CDKAL1: variants seen among roughly 807,000 people sequenced by gnomAD.
CDKAL1 encodes threonylcarbamoyladenosine tRNA methylthiotransferase.
CDKAL1 carries 32 observed loss-of-function variants against 68.2 expected under a neutral mutation model. The observed-to-expected ratio is 0.47, with a 90% CI of 0.35 to 0.63. The LOEUF is 0.63. Among genes scored for constraint, CDKAL1 ranks in the 30% least tolerant of loss-of-function variants. CDKAL1 has a pLI of 0.00. For missense variants in CDKAL1, 606 were observed against 696.7 expected, an observed-to-expected ratio of 0.87 and a Z score of 1.47; for synonymous variants, 234 against 244.3, an observed-to-expected ratio of 0.96 and a Z score of 0.39.
intron 5 of CDKAL1, among the ~76,000 whole-genome samples, chr6:20,705,474 G>A (rs964560852): frequency 3.8e-4 from 58 of 152,328 alleles, no homozygotes; most frequent in Non-Finnish European, 2.4e-4. Context: ...GTTTGTGGAA[G>A]AGTACAGGCT....
intron 4 of CDKAL1, among the ~76,000 whole-genome samples, chr6:20,636,919 C>T (rs185760974): frequency 4.7e-4 from 72 of 151,884 alleles, no homozygotes; most frequent in African/African-American, 1.6e-3. Flanking sequence ...TGCCTGTAAT[C>T]CCAGCTACTC....
intron 10 of CDKAL1, among the ~76,000 whole-genome samples, chr6:20,993,897 A>G (rs1041834891): frequency 2.0e-5 from 3 of 152,232 alleles, no homozygotes; most frequent in African/African-American, 4.8e-5. Flanking sequence ...GTTAATATCT[A>G]TATTTTAAGC....
At chr6:21,055,207 A>G (rs1770760956) in intron 11 of CDKAL1, among the ~76,000 whole-genome samples, 1 of 152,198 alleles carries the variant, frequency 6.6e-6, no homozygotes, top group Non-Finnish European at 1.5e-5. Context: ...TCTTGGATTT[A>G]AAAAGTGGTC....
Position 20,627,783 on chromosome 6 carries a change from G to A in CDKAL1, c.287-21510G>A, listed in dbSNP as rs12664972. 3.0e-4 allele frequency among the ~76,000 whole-genome samples: 45 copies of A among 152,180 alleles called. No homozygotes were observed. In the East Asian group the frequency reaches 8.5e-3, roughly 29 times the overall value. On this transcript the variant is annotated intron_variant, in intron 4 of 15. Coordinates refer to ENST00000274695, the MANE Select transcript of CDKAL1 (RefSeq NM_017774.3). ...TTTCAACACAATTTTATAATTTTTA[G>A]CATGTAGATCCTGTGTATGTTTTGT...
chr6:20,628,071 T>C (rs975701576), intron 4 of CDKAL1, among the ~76,000 whole-genome samples: 5 of 152,170 alleles, frequency 3.3e-5, no homozygotes, highest in Non-Finnish European at 7.4e-5. Flanking sequence ...ATTTCCAATC[T>C]ATATGCATTT....
chr6:21,225,614 C>T (rs971254263), intron 15 of CDKAL1, among the ~76,000 whole-genome samples: 1 of 152,172 alleles, frequency 6.6e-6, no homozygotes, highest in African/African-American at 2.4e-5. Flanking sequence ...GGCTTTCCTT[C>T]TTCACAGAAA....
intron 13 of CDKAL1, among the ~76,000 whole-genome samples, chr6:21,136,139 A>G (rs1775582827): frequency 3.3e-5 from 5 of 152,186 alleles, no homozygotes; most frequent in Admixed American, 3.3e-4. Flanking sequence ...ACTGTAGGCC[A>G]TGTTTTGTGT....
Position 21,192,965 on chromosome 6 carries a change from C to T in CDKAL1, c.1300-5056C>T, listed in dbSNP as rs115820366. Among the ~76,000 whole-genome samples the T allele has an allele frequency of 1.1e-3, 160 of 151,970 alleles. 1 individual carries two copies. The highest frequency in any genetic ancestry group is 3.5e-3 in the African/African-American group (147 of 41,456). ...CCAAGTAGCTGGGACTACAGGTGTG[C>T]GCCACCACACCCTGCTAATTTTTTT... On this transcript the variant is annotated intron_variant, in intron 13 of 15. Transcript: ENST00000274695.
At chr6:20,839,190 C>G (rs1044307399) in intron 8 of CDKAL1, among the ~76,000 whole-genome samples, 5 of 151,944 alleles carry the variant, frequency 3.3e-5, no homozygotes, top group African/African-American at 1.2e-4. Flanking sequence ...AAAGAATCAC[C>G]TACAGCAACA....
rs1013310808 is a variant in CDKAL1, at chr6:21,065,127, A to C, written c.1135A>C (p.Lys379Gln). 20 of 1,607,626 alleles carry C rather than the reference A, an allele frequency of 1.2e-5. No homozygotes were observed. Among genetic ancestry groups the C allele is most frequent in the Non-Finnish European group, 1.5e-5 (18 of 1,177,118 alleles). The change falls in exon 12 of 16, where the codon AAA (lysine) becomes CAA (glutamine). Residue 379 changes from lysine (K) to glutamine (Q), a missense_variant. Physicochemically the swap from Lys to Gln is moderately conservative, Grantham distance 53. Transcript: ENST00000274695. ...ETDQDFQETVKLVEEYKFPSL... is the reference protein window; with the variant it reads ...ETDQDFQETVQLVEEYKFPSL... ...AGATCAGGATTTTCAAGAAACAGTG[A>C]AACTTGTTGAAGAGTACAAATTCCC...
intron 12 of CDKAL1, among the ~76,000 whole-genome samples, chr6:21,086,555 A>G (rs1453922179): frequency 6.6e-6 from 1 of 152,176 alleles, no homozygotes; most frequent in African/African-American, 2.4e-5. Context: ...GCGAACACCG[A>G]AGTCCTGGCT....
At chr6:20,963,766 A>G (rs537603935) in intron 10 of CDKAL1, among the ~76,000 whole-genome samples, 2 of 152,322 alleles carry the variant, frequency 1.3e-5, no homozygotes, top group Admixed American at 6.5e-5. Context: ...ATGGCCATCA[A>G]TAATTTATAC....
At chr6:20,559,885 C>T (rs183801908) in intron 4 of CDKAL1, among the ~76,000 whole-genome samples, 32 of 152,020 alleles carry the variant, frequency 2.1e-4, no homozygotes, top group Non-Finnish European at 4.1e-4. Context: ...TTAGAAATAG[C>T]GTGTGTTTAA....
chr6:20,595,753 C>T (rs111404553), intron 4 of CDKAL1, among the ~76,000 whole-genome samples: 2,450 of 152,176 alleles, frequency 0.016, 74 homozygotes, highest in African/African-American at 0.056. Context: ...AAGAGGCATT[C>T]TGGTTTTTGG....
intron 8 of CDKAL1, among the ~76,000 whole-genome samples, chr6:20,786,379 G>A (rs982432072): frequency 6.6e-6 from 1 of 151,854 alleles, no homozygotes; most frequent in African/African-American, 2.4e-5. Context: ...TCAACCAAAT[G>A]TTATGGTCAG....
chr6:20,557,945 A>G (rs1472771304), intron 4 of CDKAL1, among the ~76,000 whole-genome samples: 1 of 152,078 alleles, frequency 6.6e-6, no homozygotes, highest in African/African-American at 2.4e-5. Flanking sequence ...AAACAAACAA[A>G]CAAACACATC....
chr6:20,630,753 C>T (rs532645901), intron 4 of CDKAL1, among the ~76,000 whole-genome samples: 3 of 152,246 alleles, frequency 2.0e-5, no homozygotes, highest in African/African-American at 7.2e-5. Context: ...GCCTGTAGAG[C>T]CAAAGATCCA....
intron 4 of CDKAL1, among the ~76,000 whole-genome samples, chr6:20,556,709 A>G (rs1188728572): frequency 2.6e-5 from 4 of 152,178 alleles, no homozygotes; most frequent in Non-Finnish European, 5.9e-5. Flanking sequence ...GAAAAACAAA[A>G]TGTTAACTTA....
At chr6:20,950,786 G>A (rs1207513911) in intron 9 of CDKAL1, among the ~76,000 whole-genome samples, 4 of 151,978 alleles carry the variant, frequency 2.6e-5, no homozygotes, top group Non-Finnish European at 5.9e-5. Flanking sequence ...GCCACGTGGC[G>A]AAAGCCCGTC....
Sources: allele counts gnomAD v4.1 joint callset (sites outside exome capture counted in the v4.1 genomes callset), GRCh38; gene constraint gnomAD v4.1.1; transcripts MANE v1.5; gene names NCBI Gene and HGNC (gene_info 2026-07-23, HGNC 2026-07-21).